RGS8: variants seen among roughly 807,000 people sequenced by gnomAD.
The protein encoded by RGS8 is regulator of G protein signaling 8.
In RGS8, 8 loss-of-function variants were observed where a neutral mutation model predicts 21.7. The ratio of observed to expected loss-of-function variants is 0.37; its 90% confidence interval spans 0.22 to 0.66. RGS8 has a LOEUF of 0.66. Among genes scored for constraint, RGS8 ranks in the 30% least tolerant of loss-of-function variants. The pLI, the probability that RGS8 is intolerant of heterozygous loss-of-function variation, is 0.59. For missense variants in RGS8, 157 were observed against 217.9 expected, an observed-to-expected ratio of 0.72 and a Z score of 1.76; for synonymous variants, 80 against 83.6, an observed-to-expected ratio of 0.96 and a Z score of 0.24.
intron 5 of RGS8, among the ~76,000 whole-genome samples, chr1:182,654,147 C>G (rs1457949741): frequency 6.6e-6 from 1 of 152,150 alleles, no homozygotes; most frequent in Non-Finnish European, 1.5e-5. Flanking sequence ...GAATACATGG[C>G]CCAATTACAC....
the RGS8 span, among the ~76,000 whole-genome samples, chr1:182,730,424 A>T: frequency 2.6e-5 from 4 of 152,020 alleles, no homozygotes; most frequent in Non-Finnish European, 5.9e-5. Context: ...AAAAAAAAAA[A>T]TTTGGCCGGG....
the RGS8 span, among the ~76,000 whole-genome samples, chr1:182,721,905 T>A: frequency 4.6e-5 from 7 of 152,184 alleles, no homozygotes; most frequent in African/African-American, 1.4e-4. Flanking sequence ...GATAATTTGG[T>A]ATCATTAATG....
the RGS8 span, among the ~76,000 whole-genome samples, chr1:182,704,360 T>C: frequency 6.6e-6 from 1 of 152,236 alleles, no homozygotes. Context: ...TGTCTCTCAC[T>C]GTCCTCAGTT....
intron 2 of RGS8, 74 bp downstream of exon 3, chr1:182,671,583 A>G (rs1664158830): frequency 7.4e-7 from 1 of 1,349,722 alleles, no homozygotes; most frequent in Non-Finnish European, 1.1e-6. Flanking sequence ...AGGCAAGTTA[A>G]TTAAATATGG....
Position 182,684,528 on chromosome 1 carries a change from G to A in RGS8, n.49C>T, listed in dbSNP as rs1339635125. 1 of 152,320 alleles carries A rather than the reference G, an allele frequency of 6.6e-6. No homozygotes were observed. Among genetic ancestry groups the A allele is most frequent in the Non-Finnish European group, 1.5e-5 (1 of 68,156 alleles). 9.4% of individuals were successfully genotyped at this position (152,320 alleles called of 1,614,324 possible). On this transcript the variant is annotated non_coding_transcript_exon_variant, in exon 1 of 5. Coordinates refer to the RGS8 transcript ENST00000515211. This position sits in a 1 kb window ranked among gnomAD's most constrained non-coding sequence, Gnocchi z 4.2. ...CCTAGAATAGCGGCTGCAACATGCT[G>A]CTCCTGCCGGCTCCGCTCCTCTCCA...
At chr1:182,691,366 A>G in the RGS8 span, among the ~76,000 whole-genome samples, 11 of 152,312 alleles carry the variant, frequency 7.2e-5, no homozygotes, top group African/African-American at 2.4e-4. Flanking sequence ...TGACAAAGGC[A>G]ACGAAATGAA....
the RGS8 span, among the ~76,000 whole-genome samples, chr1:182,690,714 G>A: frequency 6.6e-6 from 1 of 152,106 alleles, no homozygotes; most frequent in Non-Finnish European, 1.5e-5. Flanking sequence ...ACCATTACTA[G>A]GATATTATCA....
At chr1:182,654,239 G>T (rs1663158086) in intron 5 of RGS8, among the ~76,000 whole-genome samples, 2 of 152,158 alleles carry the variant, frequency 1.3e-5, no homozygotes, top group Non-Finnish European at 2.9e-5. Context: ...TGTGCAGACA[G>T]AAGGGAAAGG....
At chr1:182,656,078 A>G (rs893790352) in intron 5 of RGS8, among the ~76,000 whole-genome samples, 12 of 152,244 alleles carry the variant, frequency 7.9e-5, no homozygotes, top group African/African-American at 2.9e-4. Context: ...AAAAGTGCCT[A>G]ATAGTTCATT....
chr1:182,687,405 T>A (rs962787192), upstream of RGS8, among the ~76,000 whole-genome samples: 1 of 152,250 alleles, frequency 6.6e-6, no homozygotes, highest in Non-Finnish European at 1.5e-5. Flanking sequence ...TTGACAACTA[T>A]TGGCTTAGAG....
chr1:182,700,153 G>A, the RGS8 span, among the ~76,000 whole-genome samples: 2 of 152,056 alleles, frequency 1.3e-5, no homozygotes, highest in African/African-American at 2.4e-5. Context: ...CCAATTCTCG[G>A]CTCCGGCGAG....
chr1:182,667,783 T>A (rs934084604), intron 3 of RGS8, among the ~76,000 whole-genome samples: 1 of 151,918 alleles, frequency 6.6e-6, no homozygotes, highest in African/African-American at 2.4e-5. Context: ...GAGAAGTTAC[T>A]CTAATGTCTC....
the RGS8 span, among the ~76,000 whole-genome samples, chr1:182,740,970 G>A: frequency 7.2e-5 from 11 of 152,028 alleles, no homozygotes; most frequent in African/African-American, 1.7e-4. Context: ...ACACAGACAC[G>A]GCAACCATCC....
the RGS8 span, among the ~76,000 whole-genome samples, chr1:182,704,284 G>GT: frequency 5.5e-3 from 832 of 152,328 alleles, 3 homozygotes; most frequent in African/African-American, 0.013. Context: ...GGTTGGAGAG[G>GT]TTTTTTCTTG....
At chr1:182,718,243 C>A in the RGS8 span, among the ~76,000 whole-genome samples, 3 of 152,196 alleles carry the variant, frequency 2.0e-5, no homozygotes, top group African/African-American at 7.2e-5. Flanking sequence ...GGCTCTGTGT[C>A]CCAGCAGGTC....
the RGS8 span, among the ~76,000 whole-genome samples, chr1:182,709,523 A>C: frequency 3.3e-5 from 5 of 152,256 alleles, no homozygotes; most frequent in African/African-American, 1.2e-4. Flanking sequence ...TCAGGGACTG[A>C]GTTTATTTAG....
At chr1:182,720,976 CAT>C in the RGS8 span, among the ~76,000 whole-genome samples, 1 of 68,814 alleles carries the variant, frequency 1.5e-5, no homozygotes, top group Admixed American at 1.5e-4. Context: ...TGTATATATA[CAT>C]ATATACACAT....
the RGS8 span, among the ~76,000 whole-genome samples, chr1:182,694,513 A>G: frequency 2.0e-5 from 3 of 152,222 alleles, no homozygotes. Context: ...ACATTAAAAA[A>G]TGCTTATCTG....
chr1:182,726,201 CT>C, the RGS8 span, among the ~76,000 whole-genome samples: 1 of 148,778 alleles, frequency 6.7e-6, no homozygotes, highest in Non-Finnish European at 1.5e-5. Flanking sequence ...AAAAAAAAAA[CT>C]TCAGGTTTCC....
Sources: gnomAD v4.1 joint callset for allele counts (sites outside exome capture counted in the v4.1 genomes callset) on GRCh38, gnomAD v4.1.1 for gene constraint, Gnocchi (gnomAD v3.1) non-coding constraint, MANE v1.5 for transcripts, NCBI Gene and HGNC (gene_info 2026-07-23, HGNC 2026-07-21) for gene names.